Variants in SNX9 observed in about 807,000 individuals in gnomAD.
SNX9 encodes sorting nexin-9.
A neutral mutation model predicts 89.4 loss-of-function variants in SNX9; 44 were observed. That is an observed-to-expected ratio of 0.49 (90% CI 0.39 to 0.63). The LOEUF (loss-of-function observed/expected upper bound fraction) is 0.63. Among genes scored for constraint, SNX9 ranks in the 30% least tolerant of loss-of-function variants. The pLI is 0.00. For missense variants in SNX9, 578 were observed against 736.1 expected (o/e 0.79, Z 2.49); for synonymous variants, 236 against 247.8 (o/e 0.95, Z 0.45).
At chr6:157,826,806 T>A (rs1467008980) in intron 1 of SNX9, among the ~76,000 whole-genome samples, 2 of 101,926 alleles carry the variant, frequency 2.0e-5, no homozygotes, top group Admixed American at 1.0e-4. Flanking sequence ...ATATTATATT[T>A]TATATATAAA....
At position 157,823,350 on chromosome 6, in the gene SNX9, C is replaced by A; in HGVS notation, c.-85C>A. On this transcript the variant is annotated 5_prime_UTR_variant, in exon 1 of 18. Coordinates refer to ENST00000392185, the MANE Select transcript of SNX9 (RefSeq NM_016224.5). This position sits in a 1 kb window ranked among gnomAD's most constrained non-coding sequence, Gnocchi z 4.6. ...GCCCAGCCGGAGCCGCCGCCCTCGCCCTTGCCTTTGCCTGCGCGGCTCAGA... is the reference window on the plus strand; with the variant it reads ...GCCCAGCCGGAGCCGCCGCCCTCGCACTTGCCTTTGCCTGCGCGGCTCAGA... 8.2e-7 allele frequency: 1 copy of A among 1,216,652 alleles called. No individual in the cohort carries two copies. The highest frequency in any genetic ancestry group is 2.1e-5 in the South Asian group (1 of 48,504). The allele number at this position is 1,216,652 out of a possible 1,614,324, so 75.4% of individuals were successfully genotyped here.
intron 9 of SNX9, among the ~76,000 whole-genome samples, chr6:157,913,880 G>A (rs942634329): frequency 1.3e-5 from 2 of 152,166 alleles, no homozygotes; most frequent in Non-Finnish European, 2.9e-5. Flanking sequence ...ACCATAGCTT[G>A]TTTATCCATT....
chr6:157,873,072 CTTT>C (rs572209866), intron 2 of SNX9, 27 bp from the exon 3 acceptor site: 6,693 of 1,297,398 alleles, frequency 5.2e-3, no homozygotes, highest in South Asian at 9.3e-3. Flanking sequence ...TAATCTTTTT[CTTT>C]TTTTTTTTTT....
At chr6:157,897,252 A>G (rs1268920621) in intron 5 of SNX9, among the ~76,000 whole-genome samples, 1 of 152,124 alleles carries the variant, frequency 6.6e-6, no homozygotes, top group Non-Finnish European at 1.5e-5. Context: ...CTTGGGTTCA[A>G]TTAATCTGCT....
At chr6:157,830,114 T>A (rs1215293217) in intron 1 of SNX9, 3 of 152,236 alleles carry the variant, frequency 2.0e-5, no homozygotes, top group Admixed American at 6.5e-5. Context: ...TCACCACAAA[T>A]TGAACATTAT....
chr6:157,925,910 T>C (rs1783682400), intron 10 of SNX9, among the ~76,000 whole-genome samples: 1 of 150,872 alleles, frequency 6.6e-6, no homozygotes, highest in Admixed American at 6.6e-5. Context: ...GGCACCAGCA[T>C]TTGCTGTCTG....
chr6:157,871,305 C>T (rs1356039468), intron 2 of SNX9, among the ~76,000 whole-genome samples: 1 of 151,952 alleles, frequency 6.6e-6, no homozygotes, highest in Non-Finnish European at 1.5e-5. Flanking sequence ...CACTTGAGCC[C>T]AGGAGTTCCA....
At chr6:157,867,402 T>A (rs556668814) in intron 1 of SNX9, 145 bp from the exon 2 acceptor site, 2 of 593,460 alleles carry the variant, frequency 3.4e-6, no homozygotes, top group Non-Finnish European at 6.1e-6. Flanking sequence ...TGAGTCATTT[T>A]GGTAATGTCT....
intron 1 of SNX9, among the ~76,000 whole-genome samples, chr6:157,856,001 G>A (rs1013263279): frequency 6.6e-5 from 10 of 152,212 alleles, no homozygotes; most frequent in South Asian, 4.1e-4. Context: ...CACCCGCCTC[G>A]GCCTCCCAGA....
intron 1 of SNX9, among the ~76,000 whole-genome samples, chr6:157,844,033 C>G (rs553765039): frequency 6.6e-6 from 1 of 151,920 alleles, no homozygotes; most frequent in Non-Finnish European, 1.5e-5. Context: ...TACCTCCTCA[C>G]CTGCCTAATT....
At position 157,823,547 on chromosome 6, in the gene SNX9, T is replaced by C. The variant is rs1562584503; in HGVS notation, c.12+101T>C. 2.0e-6 allele frequency: 2 copies of C among 1,010,478 alleles called. No individual in the cohort carries two copies. Among genetic ancestry groups the C allele is most frequent in the Non-Finnish European group, 2.5e-6 (2 of 811,218 alleles). 62.6% of individuals were successfully genotyped at this position (1,010,478 alleles called of 1,614,324 possible). A position where few individuals can be genotyped will look rare whatever the true frequency, so the allele number is the denominator to read the frequency against. On this transcript the variant is annotated intron_variant, in intron 1 of 17. Transcript: ENST00000392185. This position sits in a 1 kb window ranked among gnomAD's most constrained non-coding sequence, Gnocchi z 4.6. ...CGGGGAGGGTCGGGGCCAGGGGTGG[T>C]CGAGGGGCCACTCCGCTTCCTCGGT...
chr6:157,928,817 G>A (rs969626980), intron 12 of SNX9, 115 bp downstream of exon 12: 18 of 729,664 alleles, frequency 2.5e-5, no homozygotes, highest in South Asian at 1.4e-4. Flanking sequence ...TTTGGTGGAC[G>A]GCAGTAATGT....
chr6:157,917,412 CA>C (rs1204040270), intron 9 of SNX9, among the ~76,000 whole-genome samples: 1 of 152,120 alleles, frequency 6.6e-6, no homozygotes, highest in Non-Finnish European at 1.5e-5. Flanking sequence ...TCCGCTATCA[CA>C]GGCATTAAAT....
At chr6:157,942,024 A>G (rs1326297477) in intron 17 of SNX9, among the ~76,000 whole-genome samples, 2 of 152,218 alleles carry the variant, frequency 1.3e-5, no homozygotes, top group Non-Finnish European at 2.9e-5. Context: ...CAAAATTTTG[A>G]TAGTGTTGAT....
rs757203679 is a variant in SNX9, at chr6:157,937,493, C to T, written c.1503C>T (p.Gly501=). The T allele has an allele frequency of 6.2e-7, 1 of 1,613,836 alleles. No individual in the cohort carries two copies. The highest frequency in any genetic ancestry group is 1.1e-5 in the South Asian group (1 of 91,068). Residue 501 remains glycine, a synonymous_variant, in exon 15 of 18, where the codon GGC becomes GGT. Transcript: ENST00000392185. The stretch of plus-strand genomic sequence containing the variant: ...ATCACGAGTATAAAGGTTTTCTTGG[C>T]TGCTTCCCTGACATCATTGGCACTC... ...ECNHEYKGFL[G]CFPDIIGTHK...
intron 1 of SNX9, among the ~76,000 whole-genome samples, chr6:157,858,146 G>GT (rs1443439352): frequency 6.6e-6 from 1 of 152,094 alleles, no homozygotes; most frequent in Non-Finnish European, 1.5e-5. Flanking sequence ...CCCACCCCAT[G>GT]TATAAGTGCT....
rs1466562520 is a variant in SNX9 at position 157,826,627 on chromosome 6, G to A, written c.12+3181G>A. On this transcript the variant is annotated intron_variant, in intron 1 of 17. Transcript: ENST00000392185. ...GTTTAAGTGTATACACTCACTCAGTGCAATCAAGTCTTGTTTTACAAATAT... is the reference window on the plus strand; with the variant it reads ...GTTTAAGTGTATACACTCACTCAGTACAATCAAGTCTTGTTTTACAAATAT... Among the ~76,000 whole-genome samples, 2 of 149,248 alleles carry A rather than the reference G, an allele frequency of 1.3e-5. 1 individual carries two copies. Among genetic ancestry groups the A allele is most frequent in the African/African-American group, 5.0e-5 (2 of 40,044 alleles).
chr6:157,911,889 A>G lies in SNX9; in HGVS notation c.949+1864A>G, dbSNP rs1783353721. ...AAAAATTTCAAATTGTCATAGCAAA[A>G]TTGAAAATGGGGCTGCACTACTGGG... On this transcript the variant is annotated intron_variant, in intron 9 of 17. Transcript: ENST00000392185. Among the ~76,000 whole-genome samples the G allele has an allele frequency of 2.6e-5, 4 of 152,210 alleles. No individual in the cohort carries two copies. The South Asian group carries it at 8.3e-4, about 32-fold the overall frequency.
In SNX9 at chr6:157,875,124, T is replaced by C. The variant is rs773144429; in HGVS notation, c.248T>C (p.Leu83Pro). 4 of 1,614,110 alleles carry C rather than the reference T, an allele frequency of 2.5e-6. No homozygotes were observed. The highest frequency in any genetic ancestry group is 3.4e-6 in the Non-Finnish European group (4 of 1,179,990). ...GCTGACCAAGCCTTCCTTGATTCTC[T>C]CTCAGCCAGCACAGCTCAGGCCAGT... ...SVADQAFLDS[L>P]SASTAQASSS... The change falls in exon 4 of 18, where the codon CTC becomes CCC. Residue 83 changes from leucine to proline, a missense_variant. Leu to Pro is a moderately conservative substitution (Grantham distance 98). Around this residue, in one of 2 missense-constraint regions of SNX9, gnomAD observed 230 missense variants for 244.7 expected, o/e 0.94. Transcript: ENST00000392185.
Sources: gnomAD v4.1 joint callset for allele counts (sites outside exome capture counted in the v4.1 genomes callset) on GRCh38, gnomAD v4.1.1 for gene constraint, gnomAD v4.1.1 regional missense constraint, Gnocchi (gnomAD v3.1) non-coding constraint, MANE v1.5 for transcripts, NCBI Gene and HGNC (gene_info 2026-07-23, HGNC 2026-07-21) for gene names.